Variants in ANP32A observed in about 807,000 individuals in gnomAD.
The protein encoded by ANP32A is acidic leucine-rich nuclear phosphoprotein 32 family member A.
A neutral mutation model predicts 33.9 loss-of-function variants in ANP32A; 1 was observed. That is an observed-to-expected ratio of 0.03 (90% CI 0.01 to 0.14). The LOEUF (loss-of-function observed/expected upper bound fraction) is 0.14. Ranked by LOEUF, ANP32A falls within the 10% of genes least tolerant of loss-of-function variation. ANP32A has a pLI of 1.00. For missense variants in ANP32A, 155 were observed against 306.0 expected (o/e 0.51, Z 3.68); for synonymous variants, 115 against 120.5 (o/e 0.95, Z 0.30).
chr15:68,785,884 T>A (rs1233403839), intron 3 of ANP32A, among the ~76,000 whole-genome samples: 1 of 152,202 alleles, frequency 6.6e-6, no homozygotes, highest in East Asian at 1.9e-4. Flanking sequence ...GTAATGACAT[T>A]ATAAAATCAA....
At chr15:68,802,790 T>C (rs1289442093) in intron 1 of ANP32A, among the ~76,000 whole-genome samples, 1 of 152,028 alleles carries the variant, frequency 6.6e-6, no homozygotes, top group Non-Finnish European at 1.5e-5. Flanking sequence ...GTAGCTGGGA[T>C]TACAGGTATG....
chr15:68,785,152 G>A (rs535010787), intron 3 of ANP32A, among the ~76,000 whole-genome samples: 2 of 152,286 alleles, frequency 1.3e-5, no homozygotes, highest in South Asian at 4.1e-4. Flanking sequence ...ACAGGATTTG[G>A]TAATTCATCA....
chr15:68,796,331 T>C (rs1336850434), intron 1 of ANP32A, among the ~76,000 whole-genome samples: 1 of 152,180 alleles, frequency 6.6e-6, no homozygotes, highest in Admixed American at 6.5e-5. Context: ...TCCACCTGCC[T>C]CCGCCTCCCA....
intron 1 of ANP32A, among the ~76,000 whole-genome samples, chr15:68,793,684 C>A (rs1052816175): frequency 6.6e-6 from 1 of 152,104 alleles, no homozygotes; most frequent in Non-Finnish European, 1.5e-5. Context: ...ATGAGGGGGA[C>A]CCAGAAGGAC....
rs117317710 is a variant in ANP32A, at chr15:68,789,210, C to T, written c.55-1291G>A. On this transcript the variant is annotated intron_variant, in intron 1 of 6. Transcript: ENST00000465139. ...TCCCTTCAGCCCAGGACACAGCAGCCCAAGCTCCCTGCAGGTGCCAGGAAA... is the reference window on the plus strand; with the variant it reads ...TCCCTTCAGCCCAGGACACAGCAGCTCAAGCTCCCTGCAGGTGCCAGGAAA... 771 of 152,856 alleles carry T rather than the reference C, an allele frequency of 5.0e-3. 6 individuals carry two copies. Among genetic ancestry groups the T allele is most frequent in the South Asian group, 8.9e-3 (43 of 4,828 alleles). 9.5% of individuals were successfully genotyped at this position (152,856 alleles called of 1,614,324 possible).
chr15:68,815,892 A>G (rs1292072590), intron 1 of ANP32A, among the ~76,000 whole-genome samples: 6 of 152,200 alleles, frequency 3.9e-5, no homozygotes. Flanking sequence ...AGGTGCTATG[A>G]GCATACTATG....
intron 4 of ANP32A, among the ~76,000 whole-genome samples, chr15:68,783,813 C>G (rs1893899326): frequency 6.6e-6 from 1 of 152,176 alleles, no homozygotes; most frequent in African/African-American, 2.4e-5. Context: ...TTCTGAGCAC[C>G]TGGGGCTCCT....
rs2924637 is a variant in ANP32A at position 68,793,276 on chromosome 15, G to A, written c.55-5357C>T. Reference sequence around the variant, plus strand: ...GAGGTGAGTCAAACTGTCATGAAACGTATTCAACAGTATGACGAATAAATG... The same window carrying A: ...GAGGTGAGTCAAACTGTCATGAAACATATTCAACAGTATGACGAATAAATG... On this transcript the variant is annotated intron_variant, in intron 1 of 6. Transcript: ENST00000465139. Among the ~76,000 whole-genome samples the A allele has an allele frequency of 1.5e-3, 233 of 152,302 alleles. 1 individual carries two copies. Among genetic ancestry groups the A allele is most frequent in the African/African-American group, 5.3e-3 (222 of 41,566 alleles).
At chr15:68,818,907 C>G (rs1894430550) in intron 1 of ANP32A, among the ~76,000 whole-genome samples, 1 of 151,952 alleles carries the variant, frequency 6.6e-6, no homozygotes. Flanking sequence ...GAGAGGCAAA[C>G]CGCCCGCAAA....
intron 1 of ANP32A, among the ~76,000 whole-genome samples, chr15:68,810,967 C>T (rs892350027): frequency 1.3e-5 from 2 of 148,646 alleles, no homozygotes; most frequent in South Asian, 2.1e-4. Context: ...GGCTGAGGCA[C>T]GAGAATCGCT....
intron 1 of ANP32A, among the ~76,000 whole-genome samples, chr15:68,803,448 C>T (rs1446297239): frequency 6.6e-6 from 1 of 152,230 alleles, no homozygotes; most frequent in East Asian, 1.9e-4. Flanking sequence ...TACACTGCTA[C>T]TTATTTTTTA....
chr15:68,787,989 ACTC>A, intron 1 of ANP32A, 70 bp from the exon 2 acceptor site: 9 of 1,587,714 alleles, frequency 5.7e-6, no homozygotes, highest in Non-Finnish European at 7.8e-6. Flanking sequence ...GTGTTAGAGG[ACTC>A]CTCAGAGAAC....
intron 1 of ANP32A, among the ~76,000 whole-genome samples, chr15:68,819,398 CAG>C (rs1488273827): frequency 6.6e-6 from 1 of 152,236 alleles, no homozygotes; most frequent in Non-Finnish European, 1.5e-5. Flanking sequence ...TCCCCCTCCT[CAG>C]GGGTAAGCTT....
chr15:68,813,696 A>G (rs1894341093), intron 1 of ANP32A, among the ~76,000 whole-genome samples: 2 of 152,294 alleles, frequency 1.3e-5, no homozygotes, highest in South Asian at 4.1e-4. Context: ...TCTAGACACC[A>G]GAGCTATGAG....
chr15:68,812,996 A>AT (rs1219512189), intron 1 of ANP32A: 3 of 152,220 alleles, frequency 2.0e-5, no homozygotes, highest in Non-Finnish European at 2.9e-5. Context: ...TTCTCTGGTA[A>AT]TTTCCTCACC....
chr15:68,815,816 G>C (rs1296833363), intron 1 of ANP32A, among the ~76,000 whole-genome samples: 2 of 152,212 alleles, frequency 1.3e-5, no homozygotes, highest in Non-Finnish European at 2.9e-5. Context: ...TCACAACAGG[G>C]GTGGCATTGC....
intron 1 of ANP32A, among the ~76,000 whole-genome samples, chr15:68,803,842 G>T (rs71402289): frequency 0.39 from 48,776 of 125,068 alleles, 8,851 homozygotes; most frequent in Middle Eastern, 0.61. Context: ...TTGCTCTGTT[G>T]CCAGGCTGGA....
chr15:68,795,629 C>T (rs1217683352), intron 1 of ANP32A, among the ~76,000 whole-genome samples: 1 of 152,192 alleles, frequency 6.6e-6, no homozygotes, highest in Admixed American at 6.5e-5. Flanking sequence ...CTGGTTCCAC[C>T]GCAGATGTTC....
In ANP32A at chr15:68,806,639, T is replaced by C. The variant is rs76895648; in HGVS notation, c.54+14059A>G. On this transcript the variant is annotated intron_variant, in intron 1 of 6. Coordinates refer to ENST00000465139, the MANE Select transcript of ANP32A (RefSeq NM_006305.4). ...AGACAAGGGCTAAAAAGAACAGAAC[T>C]GCTCATTATGGCTTCAGGCCAACCT... Among the ~76,000 whole-genome samples the C allele has an allele frequency of 3.2e-3, 492 of 152,344 alleles. 13 individuals are homozygous for C. The East Asian group carries it at 0.057, about 18-fold the overall frequency.
Sources: gnomAD v4.1 joint callset for allele counts (sites outside exome capture counted in the v4.1 genomes callset) on GRCh38, gnomAD v4.1.1 for gene constraint, MANE v1.5 for transcripts, NCBI Gene and HGNC (gene_info 2026-07-23, HGNC 2026-07-21) for gene names.